ZC3H3: variants seen among roughly 807,000 people sequenced by gnomAD.
ZC3H3 encodes the protein zinc finger CCCH-type containing 3.
In ZC3H3, 36 loss-of-function variants were observed where a neutral mutation model predicts 77.3. The observed-to-expected ratio is 0.47, with a 90% CI of 0.36 to 0.61. ZC3H3 has a LOEUF of 0.61. Among genes scored for constraint, ZC3H3 ranks in the 20% least tolerant of loss-of-function variants. The probability of loss-of-function intolerance (pLI) is 0.00; values close to 1 mark genes in which losing one functional copy is unlikely to be tolerated. For missense variants in ZC3H3, 1,331 were observed against 1,312.2 expected (o/e 1.01, Z -0.22); for synonymous variants, 626 against 555.2 (o/e 1.13, Z -1.79).
chr8:143,485,956 C>T (rs1198416172), intron 4 of ZC3H3, among the ~76,000 whole-genome samples: 4 of 152,352 alleles, frequency 2.6e-5, no homozygotes, highest in East Asian at 1.9e-4. Flanking sequence ...GCCAAGGCCA[C>T]GGGCCAGCCA....
chr8:143,541,320 G>A, intron 1 of ZC3H3, 56 bp downstream of exon 1: 1 of 1,600,936 alleles, frequency 6.2e-7, no homozygotes, highest in Non-Finnish European at 8.5e-7. Flanking sequence ...CAGGGGACCC[G>A]CCGCGAGGTG....
intron 9 of ZC3H3, among the ~76,000 whole-genome samples, chr8:143,455,365 G>A (rs529740040): frequency 6.6e-5 from 10 of 151,440 alleles, no homozygotes; most frequent in African/African-American, 9.7e-5. Context: ...GCGTGGTGGC[G>A]CGTGTCTGTA....
chr8:143,505,435 C>T (rs1049919253), intron 4 of ZC3H3, among the ~76,000 whole-genome samples: 1 of 152,230 alleles, frequency 6.6e-6, no homozygotes, highest in African/African-American at 2.4e-5. Flanking sequence ...AAACAGGCAA[C>T]AGCAGGCCAG....
At chr8:143,512,885 C>T (rs1212546297) in intron 3 of ZC3H3, among the ~76,000 whole-genome samples, 1 of 152,196 alleles carries the variant, frequency 6.6e-6, no homozygotes, top group African/African-American at 2.4e-5. Flanking sequence ...GGGAGGTACA[C>T]GCAGCGGGCA....
intron 4 of ZC3H3, among the ~76,000 whole-genome samples, chr8:143,487,512 C>G (rs368058002): frequency 2.5e-3 from 9 of 3,602 alleles, no homozygotes; most frequent in Non-Finnish European, 3.3e-3. Flanking sequence ...ACGAAGCTCA[C>G]ACACAGAACA....
chr8:143,440,678 G>A (rs1207292869), intron 10 of ZC3H3, among the ~76,000 whole-genome samples: 17 of 152,196 alleles, frequency 1.1e-4, no homozygotes, highest in African/African-American at 2.9e-4. Context: ...CCTCCCACCC[G>A]GTCCCAGTGA....
In ZC3H3 at chr8:143,441,063, G is replaced by T; in HGVS notation, c.2365C>A (p.Arg789Ser). 1 of 1,475,580 alleles carries T rather than the reference G, an allele frequency of 6.8e-7. No homozygotes were observed. The highest frequency in any genetic ancestry group is 8.9e-7 in the Non-Finnish European group (1 of 1,124,306). 91.4% of individuals were successfully genotyped at this position (1,475,580 alleles called of 1,614,324 possible). Residue 789 changes from arginine (R) to serine (S), a missense_variant, in exon 10 of 12, where the codon CGC becomes AGC. Transcript: ENST00000262577. ...TGGAGCAGCTGGCACTGGGCGCCGC[G>T]GGGACACGCCCCCCTGCGGGCAAAG... Reference protein sequence around the residue: ...PDFARRGACPRGAQCQLLHRT... With the variant: ...PDFARRGACPSGAQCQLLHRT...
chr8:143,529,280 G>A (rs544227031), intron 3 of ZC3H3, among the ~76,000 whole-genome samples: 16 of 152,294 alleles, frequency 1.1e-4, no homozygotes, highest in African/African-American at 3.8e-4. Context: ...GGGGTAGGGG[G>A]CCATCACACT....
rs892915107 is a variant in ZC3H3, at chr8:143,494,654, C to T, written c.1715+13092G>A. On this transcript the variant is annotated intron_variant, in intron 4 of 11. Coordinates refer to ENST00000262577, the MANE Select transcript of ZC3H3 (RefSeq NM_015117.3). The surrounding 1 kb of genome is among the most constrained non-coding windows in gnomAD (Gnocchi z 5.3). ...GAGGGGGGTGCTGTGGGCAGACACA[C>T]GAGGGGATGGGAGCACAGGAACACA... is the stretch of plus-strand genomic sequence containing the variant. Among the ~76,000 whole-genome samples, 6 of 152,026 alleles carry T rather than the reference C, an allele frequency of 3.9e-5. No homozygotes were observed. The highest frequency in any genetic ancestry group is 2.0e-4 in the Admixed American group (3 of 15,262).
intron 4 of ZC3H3, among the ~76,000 whole-genome samples, chr8:143,500,666 C>T (rs969369839): frequency 2.0e-5 from 3 of 152,168 alleles, no homozygotes; most frequent in Non-Finnish European, 4.4e-5. Context: ...CAAGCAGGTG[C>T]CTGAGATTGA....
At chr8:143,513,409 G>A (rs754269210) in intron 3 of ZC3H3, among the ~76,000 whole-genome samples, 1 of 152,164 alleles carries the variant, frequency 6.6e-6, no homozygotes, top group East Asian at 1.9e-4. Context: ...CCTGCAGCTC[G>A]CAGGTGATCC....
At chr8:143,468,815 G>C (rs1820485389) in intron 5 of ZC3H3, among the ~76,000 whole-genome samples, 156 bp from the exon 6 acceptor site, 1 of 152,192 alleles carries the variant, frequency 6.6e-6, no homozygotes, top group Admixed American at 6.5e-5. Flanking sequence ...CCTCCCCACA[G>C]TGGTTCAGAT....
intron 4 of ZC3H3, among the ~76,000 whole-genome samples, chr8:143,502,056 C>G (rs579135): frequency 0.028 from 4,242 of 152,348 alleles, 176 homozygotes; most frequent in African/African-American, 0.096. Context: ...GCACTCACCA[C>G]GCTCTCCCTG....
chr8:143,509,173 C>T (rs1821798872), intron 3 of ZC3H3, among the ~76,000 whole-genome samples: 1 of 152,220 alleles, frequency 6.6e-6, no homozygotes, highest in African/African-American at 2.4e-5. Flanking sequence ...AACATGACAT[C>T]AAAGCCTTCC....
intron 4 of ZC3H3, among the ~76,000 whole-genome samples, chr8:143,504,899 G>A (rs1048808679): frequency 6.6e-5 from 10 of 152,210 alleles, no homozygotes; most frequent in African/African-American, 1.9e-4. Context: ...GAGCAGGCCC[G>A]GCTCCATGCT....
chr8:143,494,671 AG>A lies in ZC3H3; in HGVS notation c.1715+13074del. On this transcript the variant is annotated intron_variant, in intron 4 of 11. Coordinates refer to ENST00000262577, the MANE Select transcript of ZC3H3 (RefSeq NM_015117.3). The surrounding 1 kb of genome is among the most constrained non-coding windows in gnomAD (Gnocchi z 5.3). The stretch of plus-strand genomic sequence containing the variant: ...CAGACACACGAGGGGATGGGAGCAC[AG>A]GAACACAGCCCCCAGAGGGCCAGGA... Among the ~76,000 whole-genome samples, 1 of 152,192 alleles carries A rather than the reference AG, an allele frequency of 6.6e-6. No homozygotes were observed. The highest frequency in any genetic ancestry group is 1.5e-5 in the Non-Finnish European group (1 of 68,026).
At chr8:143,473,619 G>A (rs528635312) in intron 5 of ZC3H3, among the ~76,000 whole-genome samples, 1 of 152,336 alleles carries the variant, frequency 6.6e-6, no homozygotes, top group African/African-American at 2.4e-5. Flanking sequence ...TGCAGTGTCA[G>A]TGCACTCAGG....
intron 4 of ZC3H3, among the ~76,000 whole-genome samples, chr8:143,489,588 G>A (rs976632353): frequency 2.6e-5 from 4 of 152,244 alleles, no homozygotes; most frequent in Admixed American, 2.6e-4. Context: ...GACCGCCCCA[G>A]GCAAGCCAGA....
intron 4 of ZC3H3, among the ~76,000 whole-genome samples, chr8:143,480,840 G>C (rs1820888755): frequency 6.6e-6 from 1 of 152,210 alleles, no homozygotes; most frequent in African/African-American, 2.4e-5. Context: ...TGGCAGGAAG[G>C]CTGGGGAAGG....
Sources: gnomAD v4.1 joint callset for allele counts (sites outside exome capture counted in the v4.1 genomes callset) on GRCh38, gnomAD v4.1.1 for gene constraint, Gnocchi (gnomAD v3.1) non-coding constraint, MANE v1.5 for transcripts, NCBI Gene and HGNC (gene_info 2026-07-23, HGNC 2026-07-21) for gene names.